Variants in HHAT observed in about 807,000 individuals in gnomAD.
The protein encoded by HHAT is hedgehog acyltransferase, also known as protein-cysteine N-palmitoyltransferase HHAT.
In HHAT, 47 loss-of-function variants were observed where a neutral mutation model predicts 70.8. The ratio of observed to expected loss-of-function variants is 0.66; its 90% CI spans 0.53 to 0.85. The LOEUF is 0.85. Among genes scored for constraint, HHAT ranks in the 40% least tolerant of loss-of-function variants. The pLI, the probability that HHAT is intolerant of heterozygous loss-of-function variation, is 0.00. For synonymous variants in HHAT, 228 were observed against 247.6 expected (o/e 0.92, Z 0.74); for missense variants, 609 against 604.8 (o/e 1.01, Z -0.07).
intron 3 of HHAT, among the ~76,000 whole-genome samples, chr1:210,379,763 T>C (rs2090491449): frequency 6.6e-6 from 1 of 152,242 alleles, no homozygotes; most frequent in Admixed American, 6.5e-5. Flanking sequence ...AAGGACATAA[T>C]ACTTCATACA....
intron 11 of HHAT, among the ~76,000 whole-genome samples, chr1:210,658,546 C>T (rs531795640): frequency 1.4e-4 from 22 of 152,236 alleles, no homozygotes; most frequent in Middle Eastern, 3.4e-3. Context: ...TCTCATTGAT[C>T]TGTCTAATAT....
chr1:210,400,698 A>G, intron 5 of HHAT, 36 bp downstream of exon 5: 4 of 1,584,908 alleles, frequency 2.5e-6, no homozygotes, highest in Middle Eastern at 1.7e-4. Flanking sequence ...GAATCCAGAG[A>G]AGGCCCCTTT....
chr1:210,627,195 G>A (rs1669981257), intron 11 of HHAT, among the ~76,000 whole-genome samples: 1 of 152,166 alleles, frequency 6.6e-6, no homozygotes, highest in African/African-American at 2.4e-5. Flanking sequence ...AGAGCAGGAA[G>A]GGGCAGACGG....
At chr1:210,640,663 C>T (rs1161221613) in intron 11 of HHAT, among the ~76,000 whole-genome samples, 1 of 149,918 alleles carries the variant, frequency 6.7e-6, no homozygotes, top group Non-Finnish European at 1.5e-5. Context: ...CCCCCGCACT[C>T]CGCCCCCCAC....
chr1:210,343,689 T>G (rs1329773840), intron 1 of HHAT, among the ~76,000 whole-genome samples: 1 of 152,024 alleles, frequency 6.6e-6, no homozygotes. Context: ...TCCCCGGGGA[T>G]AGTTTGCTTG....
At chr1:210,443,090 A>G (rs1157917395) in intron 7 of HHAT, among the ~76,000 whole-genome samples, 1 of 152,202 alleles carries the variant, frequency 6.6e-6, no homozygotes, top group African/African-American at 2.4e-5. Context: ...AGCACCATTT[A>G]TTAAACAGGG....
intron 7 of HHAT, among the ~76,000 whole-genome samples, chr1:210,427,249 A>AT (rs202101690): frequency 4.6e-5 from 7 of 151,214 alleles, no homozygotes; most frequent in East Asian, 1.9e-4. Context: ...TATTTTATTA[A>AT]TTTTTTTTTA....
At chr1:210,640,314 T>C (rs749939839) in intron 11 of HHAT, among the ~76,000 whole-genome samples, 3 of 152,206 alleles carry the variant, frequency 2.0e-5, no homozygotes, top group Admixed American at 6.5e-5. Context: ...TATTAGATTT[T>C]TGCCCTTCTT....
At chr1:210,455,821 C>T (rs1309329822) in intron 7 of HHAT, among the ~76,000 whole-genome samples, 1 of 152,202 alleles carries the variant, frequency 6.6e-6, no homozygotes, top group Non-Finnish European at 1.5e-5. Context: ...TAAATGGCAG[C>T]CACTATCCTG....
chr1:210,356,907 T>G (rs2087689734), intron 2 of HHAT, among the ~76,000 whole-genome samples: 1 of 152,238 alleles, frequency 6.6e-6, no homozygotes, highest in South Asian at 2.1e-4. Context: ...TGACTGAGTA[T>G]GTCTGGGGCC....
intron 3 of HHAT, among the ~76,000 whole-genome samples, chr1:210,378,591 T>TA (rs1439041211): frequency 6.6e-6 from 1 of 152,224 alleles, no homozygotes; most frequent in Non-Finnish European, 1.5e-5. Flanking sequence ...GTACATGTGA[T>TA]ACTTTGATAC....
intron 11 of HHAT, among the ~76,000 whole-genome samples, chr1:210,668,185 C>T (rs977498828): frequency 1.3e-5 from 2 of 152,170 alleles, no homozygotes; most frequent in East Asian, 3.8e-4. Context: ...TATTTTTACA[C>T]CATGTTCTGC....
intron 10 of HHAT, among the ~76,000 whole-genome samples, chr1:210,607,200 C>G (rs1410925385): frequency 6.6e-6 from 1 of 152,046 alleles, no homozygotes; most frequent in Non-Finnish European, 1.5e-5. Context: ...GCTTTCATCT[C>G]TTTAGCATCT....
Position 210,418,140 on chromosome 1 carries a change from T to G in HHAT, c.685-14T>G. 1 of 1,614,004 alleles carries G rather than the reference T, an allele frequency of 6.2e-7. No homozygotes were observed. Among genetic ancestry groups the G allele is most frequent in the Non-Finnish European group, 8.5e-7 (1 of 1,179,914 alleles). On this transcript the variant is annotated splice_polypyrimidine_tract_variant and intron_variant, in intron 6 of 11. Transcript: ENST00000261458. ...CAAGGCACCATCGAATGACCTCTTT[T>G]GTTTCCACTTTAGATGCAGCAGCAG...
chr1:210,339,858 T>C (rs2085849479), intron 1 of HHAT, among the ~76,000 whole-genome samples: 1 of 152,160 alleles, frequency 6.6e-6, no homozygotes, highest in South Asian at 2.1e-4. Flanking sequence ...TAATACATAA[T>C]ATGTTGGTGC....
Position 210,358,802 on chromosome 1 carries a change from C to G in HHAT, c.92-4050C>G, listed in dbSNP as rs566260460. On this transcript the variant is annotated intron_variant, in intron 2 of 11. Transcript: ENST00000261458. ...TATGTGTTTTCTTCTGATTATTGCC[C>G]TCTTACTACACACACCCCAGAATTA... Among the ~76,000 whole-genome samples the G allele has an allele frequency of 1.4e-4, 22 of 152,308 alleles. 1 individual carries two copies. Among genetic ancestry groups the G allele is most frequent in the Admixed American group, 1.2e-3 (19 of 15,298 alleles).
At chr1:210,637,436 T>C (rs771618689) in intron 11 of HHAT, among the ~76,000 whole-genome samples, 12 of 152,160 alleles carry the variant, frequency 7.9e-5, no homozygotes, top group South Asian at 2.1e-4. Flanking sequence ...CTAAAAACTT[T>C]GGTGCTTCAA....
In HHAT at chr1:210,459,263, G is replaced by C. The variant is rs572937935; in HGVS notation, c.857-5242G>C. Among the ~76,000 whole-genome samples the C allele has an allele frequency of 9.2e-5, 14 of 152,250 alleles. No homozygotes were observed. The South Asian group carries it at 2.9e-3, about 32-fold the overall frequency. ...GGTGGCAGGTCTGAACTTCAGTAGA[G>C]ACTTAAAAATCCTCAGAGCTGACTG... On this transcript the variant is annotated intron_variant, in intron 7 of 11. Transcript: ENST00000261458.
At chr1:210,589,571 C>T (rs534693574) in intron 10 of HHAT, 3 of 152,352 alleles carry the variant, frequency 2.0e-5, no homozygotes, top group Non-Finnish European at 2.9e-5. Context: ...AGTCTGTAGC[C>T]CTGCAACACA....
Sources: allele counts gnomAD v4.1 joint callset (sites outside exome capture counted in the v4.1 genomes callset), GRCh38; gene constraint gnomAD v4.1.1; transcripts MANE v1.5; gene names NCBI Gene and HGNC (gene_info 2026-07-23, HGNC 2026-07-21).